BRAF: variants seen among roughly 807,000 people sequenced by gnomAD.
The protein encoded by BRAF is B-Raf proto-oncogene, serine/threonine kinase, also known as serine/threonine-protein kinase B-raf.
Under a neutral mutation model 104.6 loss-of-function variants are expected in BRAF, and 16 were observed. The observed-to-expected ratio is 0.15, with a 90% CI of 0.10 to 0.23. The LOEUF (loss-of-function observed/expected upper bound fraction) is 0.23, where lower values mean the gene tolerates loss of function less well. Ranked by LOEUF, BRAF falls within the 10% of genes least tolerant of loss-of-function variation. The pLI is 1.00. For missense variants in BRAF, 541 were observed against 937.3 expected (o/e 0.58, Z 5.52); for synonymous variants, 310 against 341.6 (o/e 0.91, Z 1.02).
chr7:140,895,277 T>C (rs1814753991), intron 1 of BRAF, among the ~76,000 whole-genome samples: 1 of 152,168 alleles, frequency 6.6e-6, no homozygotes, highest in African/African-American at 2.4e-5. Context: ...AACAACCATT[T>C]AGGATTTTTA....
In BRAF at chr7:140,873,868, T is replaced by C. The variant is rs373136199; in HGVS notation, c.139-23656A>G. Among the ~76,000 whole-genome samples the C allele has an allele frequency of 1.4e-4, 22 of 152,186 alleles. 1 individual carries two copies. The highest frequency in any genetic ancestry group is 3.9e-4 in the African/African-American group (16 of 41,514). On this transcript the variant is annotated intron_variant, in intron 1 of 19. Transcript: ENST00000644969. ...CACAGATAGACACACAAAGAAAGAA[T>C]AGAAACCTTACTGGCCTTGAAATAT...
intron 14 of BRAF, among the ~76,000 whole-genome samples, chr7:140,759,313 C>T (rs528997924): frequency 6.6e-6 from 1 of 152,318 alleles, no homozygotes; most frequent in Admixed American, 6.5e-5. Flanking sequence ...CATTTAAAAT[C>T]TTTACCAGCA....
intron 3 of BRAF, among the ~76,000 whole-genome samples, chr7:140,821,388 C>T (rs554514386): frequency 6.0e-5 from 9 of 150,080 alleles, no homozygotes; most frequent in African/African-American, 1.7e-4. Context: ...CAACCTGTGC[C>T]TCCCAGGGTC....
At chr7:140,808,436 A>T in intron 4 of BRAF, 1 of 373,674 alleles carries the variant, frequency 2.7e-6, no homozygotes, top group South Asian at 2.2e-5. Flanking sequence ...GGACAGGGAC[A>T]ACATGCCCCC....
At position 140,749,425 on chromosome 7, in the gene BRAF, G is replaced by A. The variant is rs1043753843; in HGVS notation, c.1981-7C>T. 1.9e-6 allele frequency: 3 copies of A among 1,612,152 alleles called. No homozygotes were observed. The highest frequency in any genetic ancestry group is 2.5e-6 in the Non-Finnish European group (3 of 1,179,068). ...TTCTGATGACTTCTGGTGCCTGTTA[G>A]AACATACAAAGAAAAATATTCTTCA... On this transcript the variant is annotated splice_region_variant and splice_polypyrimidine_tract_variant and intron_variant, in intron 16 of 19. Coordinates refer to ENST00000644969, the MANE Select transcript of BRAF (RefSeq NM_001374258.1).
intron 1 of BRAF, among the ~76,000 whole-genome samples, chr7:140,872,558 CAAAG>C (rs938643828): frequency 6.6e-6 from 1 of 151,836 alleles, no homozygotes; most frequent in African/African-American, 2.4e-5. Context: ...CCTTTTTTAA[CAAAG>C]AAAGAATAAG....
intron 1 of BRAF, among the ~76,000 whole-genome samples, chr7:140,873,472 CT>C (rs752332007): frequency 8.5e-5 from 13 of 152,120 alleles, no homozygotes; most frequent in Non-Finnish European, 1.5e-4. Context: ...GCCCAGCCAT[CT>C]GTGGCATTTT....
intron 5 of BRAF, among the ~76,000 whole-genome samples, chr7:140,802,025 G>C (rs1385308395): frequency 1.3e-5 from 2 of 152,102 alleles, no homozygotes; most frequent in African/African-American, 4.8e-5. Flanking sequence ...AAAATATTGG[G>C]GGAGAGGAGG....
At position 140,794,364 on chromosome 7, in the gene BRAF, G is replaced by T. The variant is rs397516885; in HGVS notation, c.1084C>A (p.Arg362=). ...TGCACATTGGGAGCTGATGAGGATC[G>T]GTCTCGTTGCCCAAATTGATTTCGA... is the stretch of plus-strand genomic sequence containing the variant. ...DHRNQFGQRD[R]SSSAPNVHIN... The change falls in exon 8 of 20, where the codon CGA becomes AGA. Residue 362 remains arginine, a synonymous_variant. Transcript: ENST00000644969. The T allele has an allele frequency of 4.8e-5, 78 of 1,613,810 alleles. No homozygotes were observed. Among genetic ancestry groups the T allele is most frequent in the African/African-American group, 1.2e-4 (9 of 74,846 alleles).
rs148195472 is a variant in BRAF at position 140,869,292 on chromosome 7, C to T, written c.139-19080G>A. Among the ~76,000 whole-genome samples, 8 of 152,196 alleles carry T rather than the reference C, an allele frequency of 5.3e-5. No homozygotes were observed. In the East Asian group the frequency reaches 1.3e-3, roughly 26 times the overall value. ...CACCTTTCCCCCATCCCCTTCTTAA[C>T]ATCTTTGAATTCAGATTCTACCATA... On this transcript the variant is annotated intron_variant, in intron 1 of 19. Transcript: ENST00000644969.
chr7:140,916,108 G>A (rs970695105), intron 1 of BRAF, among the ~76,000 whole-genome samples: 6 of 152,112 alleles, frequency 3.9e-5, no homozygotes, highest in African/African-American at 1.2e-4. Flanking sequence ...CTTCGCAATT[G>A]TCACCTGACC....
chr7:140,738,044 G>C (rs572965340), intron 18 of BRAF, among the ~76,000 whole-genome samples: 1 of 152,182 alleles, frequency 6.6e-6, no homozygotes, highest in South Asian at 2.1e-4. Context: ...AGAGAACATG[G>C]GACAGGGTCA....
At chr7:140,798,405 C>T (rs913934041) in intron 7 of BRAF, among the ~76,000 whole-genome samples, 2 of 150,570 alleles carry the variant, frequency 1.3e-5, no homozygotes, top group Admixed American at 6.6e-5. Flanking sequence ...TACAGGCACC[C>T]GCCACCACGC....
rs2130901335 is a variant in BRAF at position 140,739,964 on chromosome 7, A to G, written c.2113-18T>C. The stretch of plus-strand genomic sequence containing the variant: ...AAAATTATCTGGAGAGAGAAAAAAA[A>G]GGGAAATAATTCAACCTTGTAGATA... On this transcript the variant is annotated intron_variant, in intron 17 of 19. Coordinates refer to ENST00000644969, the MANE Select transcript of BRAF (RefSeq NM_001374258.1). 3.7e-6 allele frequency: 6 copies of G among 1,611,580 alleles called. No homozygotes were observed. Among genetic ancestry groups the G allele is most frequent in the Non-Finnish European group, 5.1e-6 (6 of 1,178,826 alleles).
In BRAF at chr7:140,723,778, G is replaced by A. The variant is rs1795441524; in HGVS notation, c.*2716C>T. The stretch of plus-strand genomic sequence containing the variant: ...AGACAAGACTGTTACACCCTTACAA[G>A]ATGATCAGTGACGCAGCCACATACT... On this transcript the variant is annotated 3_prime_UTR_variant, in exon 20 of 20. Coordinates refer to ENST00000644969, the MANE Select transcript of BRAF (RefSeq NM_001374258.1). The A allele has an allele frequency of 1.9e-6, 2 of 1,048,354 alleles. No homozygotes were observed. The allele number at this position is 1,048,354 out of a possible 1,614,324, so 64.9% of individuals were successfully genotyped here.
At position 140,723,494 on chromosome 7, in the gene BRAF, C is replaced by T. The variant is rs1328311700; in HGVS notation, c.*3000G>A. The T allele has an allele frequency of 3.8e-6, 4 of 1,053,262 alleles. No individual in the cohort carries two copies. Among genetic ancestry groups the T allele is most frequent in the Middle Eastern group, 4.3e-4 (1 of 2,338 alleles). The allele number at this position is 1,053,262 out of a possible 1,614,324, so 65.2% of individuals were successfully genotyped here. On this transcript the variant is annotated 3_prime_UTR_variant, in exon 20 of 20. Transcript: ENST00000644969. ...CCAGAATTTGACAGCTAGACAGAAT[C>T]TTCTTTTAAGGTGCACATTAACAAC...
intron 5 of BRAF, 39 bp downstream of exon 5, chr7:140,807,921 C>T (rs1803825647): frequency 4.7e-6 from 7 of 1,502,594 alleles, no homozygotes; most frequent in Non-Finnish European, 6.5e-6. Context: ...AAAATCTAAA[C>T]ATTTTTGACA....
chr7:140,830,970 G>A (rs764813588), intron 3 of BRAF, among the ~76,000 whole-genome samples: 115 of 152,288 alleles, frequency 7.6e-4, no homozygotes, highest in Non-Finnish European at 1.5e-3. Flanking sequence ...GAAGATGTGG[G>A]AATCCTTGAT....
intron 17 of BRAF, among the ~76,000 whole-genome samples, chr7:140,742,794 A>C (rs970926083): frequency 3.2e-4 from 48 of 152,246 alleles, no homozygotes; most frequent in South Asian, 4.1e-4. Flanking sequence ...CAACCTACAA[A>C]ATGGGAGAAA....
Sources: allele counts gnomAD v4.1 joint callset (sites outside exome capture counted in the v4.1 genomes callset), GRCh38; gene constraint gnomAD v4.1.1; transcripts MANE v1.5; gene names NCBI Gene and HGNC (gene_info 2026-07-23, HGNC 2026-07-21).